The following PRIM2 variants were observed in gnomAD, a reference collection of about 807,000 sequenced individuals.
PRIM2 encodes the protein DNA primase large subunit.
PRIM2 carries 39 observed loss-of-function variants against 67.3 expected under a neutral mutation model. The observed-to-expected ratio is 0.58, with a 90% CI of 0.45 to 0.76. The LOEUF is 0.76. Among genes scored for constraint, PRIM2 ranks in the 30% least tolerant of loss-of-function variants. The probability of loss-of-function intolerance (pLI) is 0.00; values close to 1 mark genes in which losing one functional copy is unlikely to be tolerated. For synonymous variants in PRIM2, 143 were observed against 198.7 expected, an observed-to-expected ratio of 0.72 and a Z score of 2.36; for missense variants, 398 against 598.7, an observed-to-expected ratio of 0.66 and a Z score of 3.50.
At chr6:57,386,226 AAAC>A (rs78426519) in intron 7 of PRIM2, among the ~76,000 whole-genome samples, 14 of 151,058 alleles carry the variant, frequency 9.3e-5, no homozygotes, top group African/African-American at 1.5e-4. Context: ...TCTCTACTAA[AAAC>A]AACAACAACA....
the PRIM2 span, among the ~76,000 whole-genome samples, chr6:57,296,661 G>A: frequency 2.0e-5 from 3 of 151,876 alleles, no homozygotes; most frequent in African/African-American, 4.8e-5. Context: ...TGGTGTGTGC[G>A]TGTCTGTGCA....
chr6:57,276,720 C>G, the PRIM2 span, among the ~76,000 whole-genome samples: 1 of 151,504 alleles, frequency 6.6e-6, no homozygotes, highest in Non-Finnish European at 1.5e-5. Context: ...ATGGTGAAAC[C>G]CATCTCTAAA....
chr6:57,388,324 A>G (rs956268725), intron 7 of PRIM2, among the ~76,000 whole-genome samples: 4 of 152,172 alleles, frequency 2.6e-5, no homozygotes, highest in Non-Finnish European at 4.4e-5. Flanking sequence ...AAGTTTTCAC[A>G]TTAATCTAGA....
intron 7 of PRIM2, among the ~76,000 whole-genome samples, chr6:57,402,185 G>A (rs1270898913): frequency 6.6e-6 from 1 of 152,204 alleles, no homozygotes; most frequent in Non-Finnish European, 1.5e-5. Context: ...GGATTTTCCA[G>A]TACCTGGAGG....
chr6:57,589,805 G>A (rs1776255631), intron 10 of PRIM2, among the ~76,000 whole-genome samples: 1 of 152,164 alleles, frequency 6.6e-6, no homozygotes, highest in Non-Finnish European at 1.5e-5. Flanking sequence ...ATAAGGTGAG[G>A]TTTCAATTGA....
intron 7 of PRIM2, among the ~76,000 whole-genome samples, chr6:57,491,294 C>CA (rs1773884168): frequency 2.0e-5 from 3 of 152,180 alleles, no homozygotes; most frequent in African/African-American, 7.2e-5. Flanking sequence ...CGAGGGAAAT[C>CA]ACCTATATAA....
the PRIM2 span, among the ~76,000 whole-genome samples, chr6:57,225,658 G>A: frequency 1.7e-4 from 26 of 152,254 alleles, no homozygotes; most frequent in Middle Eastern, 3.4e-3. Flanking sequence ...TCCCTTGCTC[G>A]TTCTTTCATT....
chr6:57,391,904 G>A (rs1336308028), intron 7 of PRIM2, among the ~76,000 whole-genome samples: 1 of 152,040 alleles, frequency 6.6e-6, no homozygotes, highest in Non-Finnish European at 1.5e-5. Context: ...TTTTAGTTCT[G>A]TGAAGAATGT....
At chr6:57,344,368 G>A (rs1768600107) in intron 5 of PRIM2, among the ~76,000 whole-genome samples, 1 of 151,800 alleles carries the variant, frequency 6.6e-6, no homozygotes, top group South Asian at 2.1e-4. Flanking sequence ...TAGATAATAG[G>A]TATATGTTAT....
At chr6:57,371,417 A>C (rs1295149731) in intron 5 of PRIM2, among the ~76,000 whole-genome samples, 1 of 152,162 alleles carries the variant, frequency 6.6e-6, no homozygotes, top group Non-Finnish European at 1.5e-5. Context: ...AGAACCTAAA[A>C]CAATATTAGG....
chr6:57,236,670 G>T, the PRIM2 span, among the ~76,000 whole-genome samples: 2 of 151,960 alleles, frequency 1.3e-5, no homozygotes, highest in African/African-American at 2.4e-5. Flanking sequence ...GCGGTGTTTG[G>T]TTTTTTGTCC....
At chr6:57,227,354 T>C in the PRIM2 span, among the ~76,000 whole-genome samples, 3 of 152,228 alleles carry the variant, frequency 2.0e-5, no homozygotes, top group East Asian at 5.8e-4. Flanking sequence ...TTTAAATTCT[T>C]CTCAGTAGGC....
the PRIM2 span, among the ~76,000 whole-genome samples, chr6:57,230,829 A>C: frequency 1.3e-5 from 2 of 152,068 alleles, no homozygotes; most frequent in East Asian, 3.9e-4. Context: ...GTTTGGTTAT[A>C]AGTATCTTTT....
the PRIM2 span, among the ~76,000 whole-genome samples, chr6:57,288,798 G>C: frequency 6.6e-6 from 1 of 152,134 alleles, no homozygotes. Context: ...CCATCTGTAG[G>C]TTACCAACGT....
At chr6:57,561,610 T>A (rs1775631796) in intron 10 of PRIM2, among the ~76,000 whole-genome samples, 1 of 152,214 alleles carries the variant, frequency 6.6e-6, no homozygotes, top group Non-Finnish European at 1.5e-5. Flanking sequence ...ACAGCCTTCC[T>A]CTGGATTAGG....
chr6:57,350,804 G>T (rs12663516), intron 5 of PRIM2, among the ~76,000 whole-genome samples: 1 of 151,892 alleles, frequency 6.6e-6, no homozygotes, highest in African/African-American at 2.4e-5. Context: ...TTTTGTGGAC[G>T]TTTCCTAGAT....
chr6:57,283,719 G>C, the PRIM2 span, among the ~76,000 whole-genome samples: 1 of 151,920 alleles, frequency 6.6e-6, no homozygotes, highest in Non-Finnish European at 1.5e-5. Context: ...AACAATATTT[G>C]GTATTATTTG....
the PRIM2 span, among the ~76,000 whole-genome samples, chr6:57,307,807 C>A: frequency 6.6e-6 from 1 of 152,154 alleles, no homozygotes; most frequent in African/African-American, 2.4e-5. Flanking sequence ...TTCTTCTCTT[C>A]TTCCTATTTC....
chr6:57,400,015 C>G (rs1323365859), intron 7 of PRIM2, among the ~76,000 whole-genome samples: 1 of 152,184 alleles, frequency 6.6e-6, no homozygotes, highest in Non-Finnish European at 1.5e-5. Context: ...AGAAATGGGT[C>G]TCTTGAAGAC....
Sources: gnomAD v4.1 joint callset for allele counts (sites outside exome capture counted in the v4.1 genomes callset) on GRCh38, gnomAD v4.1.1 for gene constraint, MANE v1.5 for transcripts, NCBI Gene and HGNC (gene_info 2026-07-23, HGNC 2026-07-21) for gene names.